Variants in EFCAB10 observed in about 807,000 individuals in gnomAD.
EFCAB10 encodes EF-hand calcium-binding domain-containing protein 10.
In EFCAB10, 7 loss-of-function variants were observed where a neutral mutation model predicts 7.7. The observed-to-expected ratio is 0.91, with a 90% CI of 0.52 to 1.72. EFCAB10 has a LOEUF of 1.72. Among genes scored for constraint, EFCAB10 ranks in the 40% most tolerant of loss-of-function variants. The pLI is 0.00. For synonymous variants in EFCAB10, 52 were observed against 21.0 expected, an observed-to-expected ratio of 2.47 and a Z score of -4.03; for missense variants, 112 against 61.5, an observed-to-expected ratio of 1.82 and a Z score of -2.74.
intron 1 of EFCAB10, chr7:105,571,483 C>G (rs1369931207): frequency 6.6e-6 from 1 of 152,194 alleles, no homozygotes; most frequent in African/African-American, 2.4e-5. Context: ...AAAGCAATGG[C>G]TACCAAGAGG....
intron 1 of EFCAB10, among the ~76,000 whole-genome samples, chr7:105,578,657 A>T (rs1361078475): frequency 6.6e-6 from 1 of 152,246 alleles, no homozygotes; most frequent in Non-Finnish European, 1.5e-5. Context: ...AGCCAGATCA[A>T]GTATCTGATG....
chr7:105,575,700 C>T (rs776852203), intron 1 of EFCAB10, among the ~76,000 whole-genome samples: 20 of 152,150 alleles, frequency 1.3e-4, no homozygotes, highest in Non-Finnish European at 2.6e-4. Context: ...TTCTGCAACT[C>T]CTCTGTAATT....
At position 105,567,587 on chromosome 7, in the gene EFCAB10, A is replaced by C. The variant is rs946730766; in HGVS notation, c.360-97T>G. The C allele has an allele frequency of 3.7e-5, 22 of 595,340 alleles. No individual in the cohort carries two copies. The Admixed American group carries it at 5.4e-4, about 15-fold the overall frequency. 36.9% of individuals were successfully genotyped at this position (595,340 alleles called of 1,614,324 possible). ...TCTGTTGAAGACGAGCAGAGATATT[A>C]AATTATAACCAACTTTCAATTTCCT... On this transcript the variant is annotated intron_variant, in intron 3 of 4. Coordinates refer to ENST00000480514, the MANE Select transcript of EFCAB10 (RefSeq NM_001355526.2).
At chr7:105,573,179 T>G (rs953277441) in intron 1 of EFCAB10, 1 of 152,148 alleles carries the variant, frequency 6.6e-6, no homozygotes, top group African/African-American at 2.4e-5. Flanking sequence ...CCTGGGAATT[T>G]ATGTGTTGAA....
intron 3 of EFCAB10, among the ~76,000 whole-genome samples, chr7:105,567,934 C>T (rs1338025888): frequency 6.6e-6 from 1 of 152,182 alleles, no homozygotes; most frequent in Non-Finnish European, 1.5e-5. Context: ...GTCAAGACTA[C>T]AGTGAGCTCT....
intron 1 of EFCAB10, among the ~76,000 whole-genome samples, chr7:105,570,107 G>A (rs1225690289): frequency 2.0e-5 from 3 of 147,408 alleles, no homozygotes; most frequent in Admixed American, 6.9e-5. Flanking sequence ...CCAGCTACTC[G>A]GGAGGCTGAG....
intron 1 of EFCAB10, chr7:105,573,313 T>C (rs1417969108): frequency 6.6e-6 from 1 of 152,194 alleles, no homozygotes; most frequent in East Asian, 1.9e-4. Context: ...TCCTGGACCA[T>C]ATATCAAATT....
chr7:105,566,049 C>G (rs1425798442), intron 4 of EFCAB10, among the ~76,000 whole-genome samples: 2 of 151,940 alleles, frequency 1.3e-5, no homozygotes, highest in Non-Finnish European at 2.9e-5. Context: ...TTGGGCAGAT[C>G]ACAAAGTCAG....
At chr7:105,575,944 G>A (rs1792067162) in intron 1 of EFCAB10, among the ~76,000 whole-genome samples, 1 of 152,108 alleles carries the variant, frequency 6.6e-6, no homozygotes, top group Non-Finnish European at 1.5e-5. Flanking sequence ...GGCTGAGGCA[G>A]GAGAATCACT....
At chr7:105,574,193 C>CAT (rs1230594576) in intron 1 of EFCAB10, among the ~76,000 whole-genome samples, 890 of 29,528 alleles carry the variant, frequency 0.03, 9 homozygotes, top group African/African-American at 0.066. Flanking sequence ...TATACACACA[C>CAT]ACGTATATAT....
At position 105,581,412 on chromosome 7, in the gene EFCAB10, G is replaced by T. The variant is rs1162231334; in HGVS notation, c.52C>A (p.Gln18Lys). ...LQAAEYLEKH[Q>K]IKEVVSYLTS... is the part of the protein sequence containing the mutation. ...AGGTAGCTAACCACCTCCTTGATCT[G>T]ATGCTTTTCCAAATACTCCGCGGCT... is the stretch of plus-strand genomic sequence containing the variant. The change falls in exon 1 of 5, where the codon CAG becomes AAG. Residue 18 changes from glutamine to lysine, a missense_variant. Physicochemically the swap from Gln to Lys is moderately conservative, Grantham distance 53. Transcript: ENST00000480514. 6 of 702,968 alleles carry T rather than the reference G, an allele frequency of 8.5e-6. No individual in the cohort carries two copies. Among genetic ancestry groups the T allele is most frequent in the African/African-American group, 1.7e-5 (1 of 57,270 alleles). The allele number at this position is 702,968 out of a possible 1,614,324, so 43.5% of individuals were successfully genotyped here. A position where few individuals can be genotyped will look rare whatever the true frequency, so the allele number is the denominator to read the frequency against.
chr7:105,575,931 G>A (rs1792066629), intron 1 of EFCAB10, among the ~76,000 whole-genome samples: 1 of 152,002 alleles, frequency 6.6e-6, no homozygotes, highest in African/African-American at 2.4e-5. Flanking sequence ...CAGCTACTAG[G>A]GAGGCTGAGG....
chr7:105,567,750 G>A (rs1382965191), intron 3 of EFCAB10: 1 of 404,530 alleles, frequency 2.5e-6, no homozygotes, highest in African/African-American at 2.0e-5. Context: ...TGAGGAAACT[G>A]GCAGGGCACA....
At position 105,569,333 on chromosome 7, in the gene EFCAB10, TGA is replaced by T. The variant is rs1295928114; in HGVS notation, c.272-45_272-44del. ...GAAATGAAGTGAGAATTTTACAAAG[TGA>T]GAAGTATTTTCTGCTAGAAAAAACT... is the stretch of plus-strand genomic sequence containing the variant. On this transcript the variant is annotated intron_variant, in intron 2 of 4. Transcript: ENST00000480514. The T allele has an allele frequency of 5.8e-6, 4 of 695,010 alleles. No homozygotes were observed. The East Asian group carries it at 8.1e-5, about 14-fold the overall frequency. The allele number at this position is 695,010 out of a possible 1,614,324, so 43.1% of individuals were successfully genotyped here. A position where few individuals can be genotyped will look rare whatever the true frequency, so the allele number is the denominator to read the frequency against.
chr7:105,567,585 T>A, intron 3 of EFCAB10, 95 bp from the exon 4 acceptor site: 1 of 598,656 alleles, frequency 1.7e-6, no homozygotes, highest in South Asian at 2.1e-5. Flanking sequence ...AGCAGAGATA[T>A]TAAATTATAA....
intron 1 of EFCAB10, among the ~76,000 whole-genome samples, chr7:105,570,399 T>C (rs818622): frequency 0.046 from 6,922 of 150,568 alleles, 566 homozygotes; most frequent in African/African-American, 0.16. Flanking sequence ...TGGATAAATA[T>C]TCTGTAGTTT....
At chr7:105,570,739 T>G (rs1441069933) in intron 1 of EFCAB10, among the ~76,000 whole-genome samples, 1 of 152,052 alleles carries the variant, frequency 6.6e-6, no homozygotes, top group East Asian at 1.9e-4. Context: ...AAAATTTAAG[T>G]AACAGCTGGG....
At chr7:105,566,382 G>C (rs975857950) in intron 4 of EFCAB10, 2 of 152,140 alleles carry the variant, frequency 1.3e-5, no homozygotes, top group African/African-American at 4.8e-5. Flanking sequence ...TATAGGCCAG[G>C]CATAGTAGCC....
chr7:105,568,603 A>G (rs1430121405), intron 3 of EFCAB10, among the ~76,000 whole-genome samples: 2 of 152,164 alleles, frequency 1.3e-5, no homozygotes, highest in African/African-American at 4.8e-5. Context: ...TTGTCCTAGC[A>G]TATTGGTGCT....
Sources: gnomAD v4.1 joint callset for allele counts (sites outside exome capture counted in the v4.1 genomes callset) on GRCh38, gnomAD v4.1.1 for gene constraint, MANE v1.5 for transcripts, NCBI Gene and HGNC (gene_info 2026-07-23, HGNC 2026-07-21) for gene names.